The following CHLSN variants were observed in gnomAD, a reference collection of about 807,000 sequenced individuals.
CHLSN encodes the protein protein cholesin.
At chr7:1,081,543 C>T in the CHLSN span, among the ~76,000 whole-genome samples, 1 of 152,238 alleles carries the variant, frequency 6.6e-6, no homozygotes, top group Non-Finnish European at 1.5e-5. Context: ...CCTGTGCTGG[C>T]ATCCGCCACG....
chr7:1,016,602 C>CACACGCCAGA, the CHLSN span, among the ~76,000 whole-genome samples: 5 of 66,932 alleles, frequency 7.5e-5, no homozygotes, highest in African/African-American at 4.5e-4. Context: ...CACACAGCAG[C>CACACGCCAGA]GTACAGCAGC....
At chr7:1,120,391 C>T in the CHLSN span, among the ~76,000 whole-genome samples, 1,451 of 152,104 alleles carry the variant, frequency 9.5e-3, 22 homozygotes, top group African/African-American at 0.033. Context: ...CTGCAGCCTC[C>T]GGTGATTCTC....
At chr7:1,100,528 G>A in the CHLSN span, among the ~76,000 whole-genome samples, 2 of 152,332 alleles carry the variant, frequency 1.3e-5, no homozygotes, top group African/African-American at 4.8e-5. Context: ...CTCACCAAGC[G>A]GCGTCAGCTG....
the CHLSN span, among the ~76,000 whole-genome samples, chr7:1,004,191 G>A: frequency 2.0e-5 from 3 of 152,098 alleles, no homozygotes; most frequent in Non-Finnish European, 4.4e-5. Flanking sequence ...CCGGATGGCC[G>A]ACCCGGCCAG....
At chr7:1,082,739 C>T in the CHLSN span, among the ~76,000 whole-genome samples, 3 of 152,334 alleles carry the variant, frequency 2.0e-5, no homozygotes, top group Admixed American at 6.5e-5. Context: ...TGCCCCATCT[C>T]GTAACCCTCT....
the CHLSN span, chr7:1,058,455 C>G: frequency 3.8e-6 from 3 of 780,440 alleles, no homozygotes; most frequent in South Asian, 2.7e-5. Flanking sequence ...GATGAAAAAG[C>G]TGCCCTGCGG....
At chr7:1,078,153 AGTCAGAAAACAC>A in the CHLSN span, 1 of 152,252 alleles carries the variant, frequency 6.6e-6, no homozygotes, top group Non-Finnish European at 1.5e-5. Flanking sequence ...GTCTGCGGAC[AGTCAGAAAACAC>A]GTCAGGGTTT....
At chr7:986,457 C>T in the CHLSN span, 1 of 743,272 alleles carries the variant, frequency 1.3e-6, no homozygotes, top group Non-Finnish European at 2.2e-6. Flanking sequence ...CCTGGCAGTT[C>T]CTGGTCCTCC....
the CHLSN span, among the ~76,000 whole-genome samples, chr7:1,116,025 G>T: frequency 4.1e-4 from 47 of 114,690 alleles, no homozygotes; most frequent in Non-Finnish European, 6.8e-4. Context: ...GCAGGATGAT[G>T]ACATCACTAC....
At chr7:1,059,698 TG>T in the CHLSN span, among the ~76,000 whole-genome samples, 17 of 30,410 alleles carry the variant, frequency 5.6e-4, no homozygotes, top group East Asian at 9.0e-4. Flanking sequence ...GGGGCGGGTC[TG>T]TAGTGAGGTG....
chr7:1,078,979 G>C, the CHLSN span, among the ~76,000 whole-genome samples: 1 of 58,458 alleles, frequency 1.7e-5, no homozygotes, highest in East Asian at 2.7e-4. Flanking sequence ...GAGGCAGCGA[G>C]GCAGCGGGTC....
chr7:997,863 C>G, the CHLSN span: 1 of 1,483,548 alleles, frequency 6.7e-7, no homozygotes, highest in Non-Finnish European at 9.2e-7. Context: ...CGCTGAACAG[C>G]AGGAGACAAG....
At chr7:998,543 CAAGT>C in the CHLSN span, among the ~76,000 whole-genome samples, 1 of 138,236 alleles carries the variant, frequency 7.2e-6, no homozygotes, top group Admixed American at 8.3e-5. Context: ...CTCCCAGGTT[CAAGT>C]AATTCTCCTG....
chr7:1,107,363 T>C, the CHLSN span, among the ~76,000 whole-genome samples: 2 of 151,948 alleles, frequency 1.3e-5, no homozygotes, highest in Non-Finnish European at 2.9e-5. Context: ...AAAACTGCCA[T>C]TTACCAAGAA....
the CHLSN span, among the ~76,000 whole-genome samples, chr7:1,016,070 C>T: frequency 3.8e-5 from 5 of 130,012 alleles, no homozygotes; most frequent in African/African-American, 1.6e-4. Flanking sequence ...CACACGCCAG[C>T]GCACAGCAGC....
chr7:1,044,894 G>A, the CHLSN span, among the ~76,000 whole-genome samples: 14 of 152,398 alleles, frequency 9.2e-5, no homozygotes, highest in Non-Finnish European at 1.8e-4. Flanking sequence ...CATTAACCTG[G>A]TGATGGCAGC....
the CHLSN span, among the ~76,000 whole-genome samples, chr7:1,017,988 CTAG>C: frequency 6.6e-6 from 1 of 152,226 alleles, no homozygotes; most frequent in Non-Finnish European, 1.5e-5. Flanking sequence ...GACAGAAGAC[CTAG>C]TAGAACTTAG....
chr7:987,667 G>T, the CHLSN span: 1 of 890,756 alleles, frequency 1.1e-6, no homozygotes, highest in Non-Finnish European at 1.6e-6. Context: ...AATAAAGGGC[G>T]TCCAGCCAGG....
At chr7:1,005,554 C>T in the CHLSN span, among the ~76,000 whole-genome samples, 2 of 152,248 alleles carry the variant, frequency 1.3e-5, no homozygotes, top group South Asian at 4.1e-4. Flanking sequence ...GGCTGTCCCT[C>T]GGCAGCGGGG....
Sources: allele counts gnomAD v4.1 joint callset (sites outside exome capture counted in the v4.1 genomes callset), GRCh38; gene constraint gnomAD v4.1.1; transcripts MANE v1.5; gene names NCBI Gene and HGNC (gene_info 2026-07-23, HGNC 2026-07-21).